The following MEI4 variants were observed in gnomAD, a reference collection of about 807,000 sequenced individuals.
The protein encoded by MEI4 is meiotic double-stranded break formation protein 4, also known as meiosis-specific protein MEI4.
MEI4 carries 27 observed loss-of-function variants against 31.4 expected under a neutral mutation model. The ratio of observed to expected loss-of-function variants is 0.86; its 90% confidence interval spans 0.63 to 1.19. The LOEUF is 1.19. Among genes scored for constraint, MEI4 ranks in the 50% most tolerant of loss-of-function variants. The pLI, the probability that MEI4 is intolerant of heterozygous loss-of-function variation, is 0.00. For missense variants in MEI4, 329 were observed against 398.9 expected (o/e 0.82, Z 1.49); for synonymous variants, 122 against 145.4 (o/e 0.84, Z 1.16).
At chr6:77,759,168 C>T (rs74399489) in intron 2 of MEI4, among the ~76,000 whole-genome samples, 2 of 152,102 alleles carry the variant, frequency 1.3e-5, no homozygotes, top group South Asian at 2.1e-4. Context: ...TGTAACTCTT[C>T]TTGAAACTGT....
chr6:77,715,807 G>A (rs1766567710), intron 2 of MEI4, among the ~76,000 whole-genome samples: 1 of 152,024 alleles, frequency 6.6e-6, no homozygotes, highest in Non-Finnish European at 1.5e-5. Flanking sequence ...CACGTGATGA[G>A]TTATTATGTC....
intron 3 of MEI4, among the ~76,000 whole-genome samples, chr6:77,776,387 G>T (rs1468326783): frequency 1.3e-5 from 2 of 152,000 alleles, no homozygotes; most frequent in Non-Finnish European, 2.9e-5. Context: ...TACCCACAGA[G>T]CTTCTTGGTC....
chr6:77,812,245 A>T (rs980302268), intron 3 of MEI4, among the ~76,000 whole-genome samples: 31 of 152,144 alleles, frequency 2.0e-4, no homozygotes, highest in African/African-American at 7.2e-4. Context: ...AACTCATATG[A>T]ATAATTATTT....
intron 2 of MEI4, among the ~76,000 whole-genome samples, chr6:77,729,584 C>T (rs1363361621): frequency 1.3e-5 from 2 of 152,160 alleles, no homozygotes; most frequent in African/African-American, 4.8e-5. Context: ...CAGCAAGAAA[C>T]AGGTAATGCA....
intron 2 of MEI4, among the ~76,000 whole-genome samples, chr6:77,746,783 A>T (rs6939365): frequency 0.023 from 3,446 of 152,134 alleles, 133 homozygotes; most frequent in African/African-American, 0.078. Context: ...TAAAAGAGAG[A>T]AAGGAGCCAA....
At chr6:77,848,466 C>T in intron 4 of MEI4, among the ~76,000 whole-genome samples, 1 of 152,148 alleles carries the variant, frequency 6.6e-6, no homozygotes, top group East Asian at 1.9e-4. Flanking sequence ...GAGTGACAGG[C>T]ACATTATGTC....
At position 77,759,828 on chromosome 6, in the gene MEI4, C is replaced by A. The variant is rs143164762; in HGVS notation, c.233-1302C>A. Among the ~76,000 whole-genome samples the A allele has an allele frequency of 6.9e-3, 1,055 of 152,150 alleles. 12 individuals are homozygous for A. Among genetic ancestry groups the A allele is most frequent in the African/African-American group, 0.024 (995 of 41,512 alleles). On this transcript the variant is annotated intron_variant, in intron 2 of 4. Transcript: ENST00000684080. ...TTTATTATGTTCGCCTCAAATAAGC[C>A]CTTCCTATAGCCAATAGAATGATGA...
chr6:77,789,300 C>T (rs944505359), intron 3 of MEI4, among the ~76,000 whole-genome samples: 10 of 152,148 alleles, frequency 6.6e-5, no homozygotes, highest in South Asian at 2.1e-4. Flanking sequence ...ACCATAAAAA[C>T]CCTAGAAGAA....
intron 3 of MEI4, among the ~76,000 whole-genome samples, chr6:77,791,380 A>T (rs1277091006): frequency 6.6e-6 from 1 of 151,644 alleles, no homozygotes; most frequent in Non-Finnish European, 1.5e-5. Flanking sequence ...TGTCCTTTGT[A>T]GGGACATGGA....
chr6:77,729,732 T>G (rs1055623156), intron 2 of MEI4, among the ~76,000 whole-genome samples: 24 of 152,192 alleles, frequency 1.6e-4, no homozygotes, highest in Admixed American at 8.5e-4. Flanking sequence ...AATATTTACT[T>G]AAAAGACAGT....
At chr6:77,745,469 G>A (rs1483689757) in intron 2 of MEI4, among the ~76,000 whole-genome samples, 4 of 152,282 alleles carry the variant, frequency 2.6e-5, no homozygotes, top group Non-Finnish European at 4.4e-5. Context: ...GATTCATAAA[G>A]CAAGTCTTGA....
At chr6:77,775,375 A>G (rs1181058840) in intron 3 of MEI4, among the ~76,000 whole-genome samples, 5 of 151,870 alleles carry the variant, frequency 3.3e-5, no homozygotes, top group African/African-American at 9.7e-5. Context: ...CCGTTGTATC[A>G]TTCTTACGCC....
intron 4 of MEI4, among the ~76,000 whole-genome samples, chr6:77,851,096 C>T (rs1483838908): frequency 1.3e-5 from 2 of 152,284 alleles, no homozygotes; most frequent in East Asian, 1.9e-4. Context: ...GATATCATCT[C>T]ACACCAGTTA....
intron 3 of MEI4, among the ~76,000 whole-genome samples, chr6:77,823,328 T>G (rs1365275363): frequency 6.6e-6 from 1 of 152,198 alleles, no homozygotes; most frequent in Non-Finnish European, 1.5e-5. Flanking sequence ...ACACTGAAAT[T>G]TTAAGAATTT....
intron 2 of MEI4, among the ~76,000 whole-genome samples, chr6:77,736,203 C>T (rs976809095): frequency 1.3e-5 from 2 of 152,076 alleles, no homozygotes; most frequent in African/African-American, 4.8e-5. Flanking sequence ...CCTAAGCAAG[C>T]CTGGGCAATG....
At chr6:77,799,160 T>C (rs1769172044) in intron 3 of MEI4, among the ~76,000 whole-genome samples, 1 of 152,014 alleles carries the variant, frequency 6.6e-6, no homozygotes, top group African/African-American at 2.4e-5. Context: ...ACCTGTTGTT[T>C]CCTGACTTTT....
intron 1 of MEI4, among the ~76,000 whole-genome samples, chr6:77,664,051 C>A (rs1020011863): frequency 6.6e-6 from 1 of 152,024 alleles, no homozygotes; most frequent in Non-Finnish European, 1.5e-5. Flanking sequence ...TCTGGAGGAA[C>A]GCCTGGCCGT....
chr6:77,907,755 A>G (rs548332397), intron 4 of MEI4, among the ~76,000 whole-genome samples: 1 of 152,264 alleles, frequency 6.6e-6, no homozygotes, highest in South Asian at 2.1e-4. Context: ...ACTACTTTAC[A>G]GTCCCACCAA....
chr6:77,651,986 A>G (rs929471023), upstream of MEI4, among the ~76,000 whole-genome samples: 2 of 152,174 alleles, frequency 1.3e-5, no homozygotes, highest in African/African-American at 4.8e-5. Context: ...TCCATTGGAT[A>G]TTGTGGTGAA....
Sources: gnomAD v4.1 joint callset for allele counts (sites outside exome capture counted in the v4.1 genomes callset) on GRCh38, gnomAD v4.1.1 for gene constraint, MANE v1.5 for transcripts, NCBI Gene and HGNC (gene_info 2026-07-23, HGNC 2026-07-21) for gene names.